The following NUMB variants were observed in gnomAD, a reference collection of about 807,000 sequenced individuals.
NUMB encodes NUMB endocytic adaptor protein, also known as protein numb homolog.
Under a neutral mutation model 59.7 loss-of-function variants are expected in NUMB, and 29 were observed. That is an observed-to-expected ratio of 0.49 (90% CI 0.36 to 0.66). The LOEUF is 0.66. NUMB is among the 30% of genes least tolerant of loss of function. NUMB has a pLI of 0.00. For synonymous variants in NUMB, 288 were observed against 288.2 expected, an observed-to-expected ratio of 1.00 and a Z score of 0.01; for missense variants, 723 against 822.0, an observed-to-expected ratio of 0.88 and a Z score of 1.47.
At chr14:73,343,091 A>C (rs1399551673) in intron 4 of NUMB, among the ~76,000 whole-genome samples, 1 of 152,044 alleles carries the variant, frequency 6.6e-6, no homozygotes, top group African/African-American at 2.4e-5. Context: ...GGCCTCCCAA[A>C]GTGCTGGGAT....
At chr14:73,302,782 T>TAAAC (rs1230278157) in intron 6 of NUMB, among the ~76,000 whole-genome samples, 3 of 152,124 alleles carry the variant, frequency 2.0e-5, no homozygotes. Context: ...CTGAGCACTT[T>TAAAC]TAAGAAAAGA....
chr14:73,427,887 T>C (rs1897656037), intron 1 of NUMB, among the ~76,000 whole-genome samples: 1 of 152,194 alleles, frequency 6.6e-6, no homozygotes, highest in Non-Finnish European at 1.5e-5. Flanking sequence ...ATATTATTTT[T>C]TAATGCGATA....
intron 6 of NUMB, among the ~76,000 whole-genome samples, chr14:73,308,737 T>TA (rs1352554371): frequency 6.6e-6 from 1 of 152,148 alleles, no homozygotes; most frequent in African/African-American, 2.4e-5. Flanking sequence ...CATTAACAGG[T>TA]GTAGGCTGAG....
intron 2 of NUMB, among the ~76,000 whole-genome samples, chr14:73,399,220 T>A (rs555485952): frequency 1.3e-5 from 2 of 152,296 alleles, no homozygotes; most frequent in East Asian, 3.9e-4. Context: ...ACATTAAGCA[T>A]ATTAAATAGT....
chr14:73,389,524 G>C (rs1451835392), intron 2 of NUMB, among the ~76,000 whole-genome samples: 1 of 151,874 alleles, frequency 6.6e-6, no homozygotes, highest in African/African-American at 2.4e-5. Context: ...GGGTTTCACT[G>C]TGTTAGCCAG....
rs1346576505 is a variant in NUMB, at chr14:73,279,418, C to G, written c.1103G>C (p.Gly368Ala). The change falls in exon 12 of 13, where the codon GGC becomes GCC. Residue 368 changes from glycine to alanine, a missense_variant. Gly to Ala is a moderately conservative substitution (Grantham distance 60). Coordinates refer to ENST00000555238, the MANE Select transcript of NUMB (RefSeq NM_001005743.2). ...AAGCACATGGAAGGCTGAGTCAGTG[C>G]CATTAGCTACAACGGGAGCAGACAA... ...APQSPTFQAN[G>A]TDSAFHVLAK... is the part of the protein sequence containing the mutation. 1.9e-6 allele frequency: 3 copies of G among 1,582,030 alleles called. No homozygotes were observed. The South Asian group carries it at 3.5e-5, about 19-fold the overall frequency.
intron 4 of NUMB, among the ~76,000 whole-genome samples, chr14:73,340,534 T>C (rs1342296668): frequency 2.0e-5 from 3 of 152,242 alleles, no homozygotes; most frequent in Non-Finnish European, 4.4e-5. Flanking sequence ...GATGTAAGCG[T>C]AGTGCAAGGA....
intron 4 of NUMB, among the ~76,000 whole-genome samples, chr14:73,324,005 A>G (rs1019110508): frequency 6.6e-6 from 1 of 152,162 alleles, no homozygotes; most frequent in African/African-American, 2.4e-5. Flanking sequence ...GAAGAGCAGG[A>G]GGGGCTTTCT....
chr14:73,299,331 G>T (rs900250866), intron 6 of NUMB: 3 of 152,072 alleles, frequency 2.0e-5, no homozygotes, highest in African/African-American at 7.2e-5. Flanking sequence ...ACAATGAATT[G>T]AATTTAGGTT....
chr14:73,456,668 G>C (rs2044093372), intron 1 of NUMB, among the ~76,000 whole-genome samples: 2 of 152,162 alleles, frequency 1.3e-5, no homozygotes, highest in African/African-American at 2.4e-5. Context: ...CTAAAAATGA[G>C]TATCCTTTAT....
intron 1 of NUMB, among the ~76,000 whole-genome samples, chr14:73,418,222 C>T (rs1897210965): frequency 6.6e-6 from 1 of 152,062 alleles, no homozygotes; most frequent in African/African-American, 2.4e-5. Flanking sequence ...TGAAATAAGC[C>T]AGACACAAAA....
intron 4 of NUMB, among the ~76,000 whole-genome samples, chr14:73,341,088 A>T (rs1892609790): frequency 6.6e-6 from 1 of 152,192 alleles, no homozygotes; most frequent in African/African-American, 2.4e-5. Context: ...TGGAACTGTG[A>T]GTCAATTAAA....
At chr14:73,348,971 C>T (rs1426037316) in intron 4 of NUMB, among the ~76,000 whole-genome samples, 2 of 152,214 alleles carry the variant, frequency 1.3e-5, no homozygotes, top group Non-Finnish European at 2.9e-5. Context: ...CAAGAAATGT[C>T]ACTAGTTCCA....
intron 2 of NUMB, among the ~76,000 whole-genome samples, chr14:73,380,724 G>GT (rs759209884): frequency 0.54 from 71,171 of 131,118 alleles, 19,625 homozygotes; most frequent in East Asian, 0.74. Flanking sequence ...TCATCAATTA[G>GT]TTTTTTTTTT....
intron 1 of NUMB, among the ~76,000 whole-genome samples, chr14:73,456,111 CTTT>C (rs11413301): frequency 2.8e-5 from 4 of 143,002 alleles, no homozygotes; most frequent in East Asian, 2.0e-4. Context: ...CCAAAAAAAC[CTTT>C]TTTTTTTTTT....
At chr14:73,306,277 AT>A (rs1234943139) in intron 6 of NUMB, among the ~76,000 whole-genome samples, 1 of 152,230 alleles carries the variant, frequency 6.6e-6, no homozygotes, top group Non-Finnish European at 1.5e-5. Flanking sequence ...TGGGGAGGCA[AT>A]TTAGCTCTTC....
At chr14:73,334,775 C>T (rs945790999) in intron 4 of NUMB, among the ~76,000 whole-genome samples, 3 of 151,802 alleles carry the variant, frequency 2.0e-5, no homozygotes, top group Admixed American at 6.6e-5. Context: ...TGAAAAACTC[C>T]GTCTCTACTA....
chr14:73,376,734 T>A lies in NUMB; in HGVS notation c.-100-9753A>T, dbSNP rs1371503223. ...CCACATAAACACAGTCAACTGGAGCTGAGTATGGTGAGTGTGCCTGGCATG... is the reference window on the plus strand; with the variant it reads ...CCACATAAACACAGTCAACTGGAGCAGAGTATGGTGAGTGTGCCTGGCATG... On this transcript the variant is annotated intron_variant, in intron 2 of 12. Transcript: ENST00000555238. Among the ~76,000 whole-genome samples the A allele has an allele frequency of 1.4e-4, 22 of 152,110 alleles. 1 individual carries two copies.
chr14:73,291,132 G>A (rs1481558888), intron 8 of NUMB, among the ~76,000 whole-genome samples: 1 of 151,342 alleles, frequency 6.6e-6, no homozygotes, highest in Non-Finnish European at 1.5e-5. Flanking sequence ...CTAGGCTGCA[G>A]TGCAGTGGTG....
Sources: allele counts gnomAD v4.1 joint callset (sites outside exome capture counted in the v4.1 genomes callset), GRCh38; gene constraint gnomAD v4.1.1; transcripts MANE v1.5; gene names NCBI Gene and HGNC (gene_info 2026-07-23, HGNC 2026-07-21).